The following RAPGEF6 variants were observed in gnomAD, a reference collection of about 807,000 sequenced individuals.
RAPGEF6 encodes Rap guanine nucleotide exchange factor 6.
In RAPGEF6, 56 loss-of-function variants were observed where a neutral mutation model predicts 171.4. The ratio of observed to expected loss-of-function variants is 0.33; its 90% confidence interval spans 0.26 to 0.41. The LOEUF (loss-of-function observed/expected upper bound fraction) is 0.41, where lower values mean the gene tolerates loss of function less well. Among genes scored for constraint, RAPGEF6 ranks in the 10% least tolerant of loss-of-function variants. The pLI, the probability that RAPGEF6 is intolerant of heterozygous loss-of-function variation, is 1.00. For missense variants in RAPGEF6, 1,674 were observed against 1,921.4 expected (o/e 0.87, Z 2.41); for synonymous variants, 692 against 650.1 (o/e 1.06, Z -0.98).
At position 131,495,640 on chromosome 5, in the gene RAPGEF6, T is replaced by C. The variant is rs978353192; in HGVS notation, c.1440A>G (p.Leu480=). The change falls in exon 13 of 28, where the codon TTA becomes TTG. Residue 480 remains leucine (L), a synonymous_variant. Transcript: ENST00000509018. ...AATCATTAAAATGATTATTTACCCA[T>C]AATAATACAATCCGTGTCACCTGTG... The part of the protein sequence containing the change: ...LRDKVTRIVL[L]WVNNHFNDFE... 18 of 1,613,350 alleles carry C rather than the reference T, an allele frequency of 1.1e-5. No homozygotes were observed. Among genetic ancestry groups the C allele is most frequent in the Non-Finnish European group, 1.5e-5 (18 of 1,179,664 alleles).
chr5:131,622,024 C>A (rs375678489), intron 1 of RAPGEF6, among the ~76,000 whole-genome samples: 1 of 152,198 alleles, frequency 6.6e-6, no homozygotes, highest in African/African-American at 2.4e-5. Context: ...TTATCCCTGG[C>A]ACATGAAACA....
intron 4 of RAPGEF6, among the ~76,000 whole-genome samples, chr5:131,563,171 T>C (rs545532188): frequency 1.3e-5 from 2 of 152,188 alleles, no homozygotes; most frequent in South Asian, 4.1e-4. Context: ...TATTATCATA[T>C]ATGAAAATTT....
At chr5:131,430,611 A>G in intron 26 of RAPGEF6, 1 of 609,710 alleles carries the variant, frequency 1.6e-6, no homozygotes, top group African/African-American at 1.8e-5. Flanking sequence ...AAAACAAAAG[A>G]CAAACAAACT....
chr5:131,551,940 A>C (rs1760948528), intron 5 of RAPGEF6, among the ~76,000 whole-genome samples: 1 of 152,162 alleles, frequency 6.6e-6, no homozygotes, highest in South Asian at 2.1e-4. Context: ...GATTTAAAAA[A>C]AATAAAACCA....
chr5:131,496,562 T>C (rs1166646979), intron 12 of RAPGEF6, among the ~76,000 whole-genome samples: 2 of 152,248 alleles, frequency 1.3e-5, no homozygotes, highest in Non-Finnish European at 2.9e-5. Flanking sequence ...TCTGCTTTTC[T>C]GTCTATTTGT....
intron 6 of RAPGEF6, among the ~76,000 whole-genome samples, chr5:131,540,575 C>T (rs561246361): frequency 7.2e-5 from 11 of 151,948 alleles, no homozygotes; most frequent in Non-Finnish European, 1.6e-4. Context: ...AAAGCAACAA[C>T]GACAAAAATA....
intron 1 of RAPGEF6, among the ~76,000 whole-genome samples, chr5:131,605,935 C>T (rs929828605): frequency 7.0e-6 from 1 of 142,112 alleles, no homozygotes; most frequent in Non-Finnish European, 1.5e-5. Flanking sequence ...GAGGCTAAGG[C>T]AGGAGAATGG....
intron 26 of RAPGEF6, 42 bp from the exon 27 acceptor site, chr5:131,429,258 A>C: frequency 6.9e-7 from 1 of 1,448,436 alleles, no homozygotes; most frequent in African/African-American, 1.4e-5. Flanking sequence ...ATGAAAAAGA[A>C]ATGGAAAAAA....
At chr5:131,556,221 C>T (rs569477987) in intron 5 of RAPGEF6, among the ~76,000 whole-genome samples, 3 of 152,290 alleles carry the variant, frequency 2.0e-5, no homozygotes, top group South Asian at 2.1e-4. Context: ...GGGTGGATCA[C>T]CTGAGGTCAG....
intron 20 of RAPGEF6, among the ~76,000 whole-genome samples, chr5:131,453,840 C>T (rs952465021): frequency 5.3e-5 from 8 of 152,064 alleles, no homozygotes; most frequent in Non-Finnish European, 8.8e-5. Flanking sequence ...GTAATCATGA[C>T]GAATACTCTC....
intron 6 of RAPGEF6, among the ~76,000 whole-genome samples, chr5:131,528,324 T>TTTATATATC (rs1464791584): frequency 4.3e-5 from 1 of 23,026 alleles, no homozygotes; most frequent in Non-Finnish European, 2.2e-4. Context: ...TATATATATA[T>TTTATATATC]ATATATATAT....
chr5:131,615,759 G>A (rs1387461685), intron 1 of RAPGEF6, among the ~76,000 whole-genome samples: 1 of 152,066 alleles, frequency 6.6e-6, no homozygotes, highest in Admixed American at 6.6e-5. Context: ...AAAATTAGCT[G>A]GGCATGGTGG....
chr5:131,427,193 C>T lies in RAPGEF6; in HGVS notation c.*73G>A. The T allele has an allele frequency of 1.4e-6, 2 of 1,409,784 alleles. No homozygotes were observed. The highest frequency in any genetic ancestry group is 2.0e-6 in the Non-Finnish European group (2 of 994,132). The allele number at this position is 1,409,784 out of a possible 1,614,324, so 87.3% of individuals were successfully genotyped here. A position where few individuals can be genotyped will look rare whatever the true frequency, so the allele number is the denominator to read the frequency against. The stretch of plus-strand genomic sequence containing the variant: ...CAATGAGCTGTTCGTTAGCAATGGC[C>T]TGCAGAATCATGAGGTGGTTCTTGC... On this transcript the variant is annotated 3_prime_UTR_variant, in exon 28 of 28. Transcript: ENST00000509018.
chr5:131,624,400 C>A (rs12519233), intron 1 of RAPGEF6, among the ~76,000 whole-genome samples: 118,493 of 152,114 alleles, frequency 0.78, 46,477 homozygotes, highest in African/African-American at 0.83. Context: ...AATCAGATGA[C>A]TAGCAAGGAA....
At chr5:131,593,653 T>C (rs1228263338) in intron 3 of RAPGEF6, among the ~76,000 whole-genome samples, 1 of 152,206 alleles carries the variant, frequency 6.6e-6, no homozygotes, top group African/African-American at 2.4e-5. Flanking sequence ...ATGAGGAACT[T>C]ACTGGAAACT....
intron 1 of RAPGEF6, among the ~76,000 whole-genome samples, chr5:131,632,859 T>C (rs1270389120): frequency 6.6e-6 from 1 of 152,224 alleles, no homozygotes; most frequent in Admixed American, 6.5e-5. Flanking sequence ...GCACTACCAA[T>C]GCATCAGTTA....
intron 6 of RAPGEF6, among the ~76,000 whole-genome samples, chr5:131,526,507 G>C (rs1758877395): frequency 6.6e-6 from 1 of 152,126 alleles, no homozygotes; most frequent in South Asian, 2.1e-4. Flanking sequence ...CTACTAAGTT[G>C]TTTCCTGATA....
Position 131,495,648 on chromosome 5 carries a change from C to T in RAPGEF6, c.1432G>A (p.Val478Ile), listed in dbSNP as rs140676026. The T allele has an allele frequency of 8.6e-5, 138 of 1,612,474 alleles. No individual in the cohort carries two copies. Among genetic ancestry groups the T allele is most frequent in the South Asian group, 1.4e-4 (13 of 90,888 alleles). ...DSLRDKVTRIVLLWVNNHFND... is the reference protein window; with the variant it reads ...DSLRDKVTRIILLWVNNHFND... ...AAATGATTATTTACCCATAATAATA[C>T]AATCCGTGTCACCTGTGGAAACATA... Residue 478 changes from valine (V) to isoleucine (I), a missense_variant, in exon 13 of 28, where the codon GTA becomes ATA. By Grantham distance (29) the Val-to-Ile change is conservative. This residue lies in a region of RAPGEF6 where 1,116 missense variants were observed against 1,321.5 expected (regional missense o/e 0.84). Coordinates refer to ENST00000509018, the MANE Select transcript of RAPGEF6 (RefSeq NM_016340.6).
intron 5 of RAPGEF6, among the ~76,000 whole-genome samples, chr5:131,549,119 G>C (rs1297011374): frequency 1.3e-5 from 2 of 152,170 alleles, no homozygotes; most frequent in East Asian, 3.9e-4. Flanking sequence ...GACCTATCTA[G>C]CTCAACAGCT....
Sources: gnomAD v4.1 joint callset for allele counts (sites outside exome capture counted in the v4.1 genomes callset) on GRCh38, gnomAD v4.1.1 for gene constraint, gnomAD v4.1.1 regional missense constraint, MANE v1.5 for transcripts, NCBI Gene and HGNC (gene_info 2026-07-23, HGNC 2026-07-21) for gene names.